MAOA: variants seen among roughly 807,000 people sequenced by gnomAD.
MAOA encodes the protein monoamine oxidase A, also known as amine oxidase [flavin-containing] A.
MAOA carries 6 observed loss-of-function variants against 42.0 expected under a neutral mutation model. That is an observed-to-expected ratio of 0.14 (90% CI 0.08 to 0.28). MAOA has a LOEUF of 0.28. Ranked by LOEUF, MAOA falls within the 10% of genes least tolerant of loss-of-function variation. The probability of loss-of-function intolerance (pLI) is 1.00; values close to 1 mark genes in which losing one functional copy is unlikely to be tolerated. For missense variants in MAOA, 262 were observed against 422.3 expected, an observed-to-expected ratio of 0.62 and a Z score of 3.33; for synonymous variants, 140 against 154.0, an observed-to-expected ratio of 0.91 and a Z score of 0.67.
chrX:43,712,817 A>T, intron 5 of MAOA, 21 bp downstream of exon 5: 1 of 1,096,777 alleles, frequency 9.1e-7, no homozygotes, highest in Non-Finnish European at 1.3e-6. Flanking sequence ...TTGACCATTC[A>T]AAATTTACTT....
At chrX:43,726,571 G>A (rs559626032) in intron 5 of MAOA, among the ~76,000 whole-genome samples, 7 of 111,769 alleles carry the variant, frequency 6.3e-5, no homozygotes, top group East Asian at 2.8e-4. Flanking sequence ...TTAGCAATTC[G>A]TCTAACCTTT....
rs111717084 is a variant in MAOA at position 43,691,101 on chromosome X, G to A, written c.169-2190G>A. On this transcript the variant is annotated intron_variant, in intron 2 of 14. Transcript: ENST00000338702. ...AACACCCCAAATAAATACGAGATCA[G>A]AGCCAGATGTGGGGCTCACGCCTGT... 9.9e-3 allele frequency among the ~76,000 whole-genome samples: 1,107 copies of A among 111,822 alleles called. 19 individuals carry two copies. Among genetic ancestry groups the A allele is most frequent in the African/African-American group, 0.035 (1,072 of 30,824 alleles).
intron 3 of MAOA, among the ~76,000 whole-genome samples, chrX:43,707,859 C>T (rs193169338): frequency 8.9e-6 from 1 of 111,858 alleles, no homozygotes; most frequent in East Asian, 2.8e-4. Flanking sequence ...ACTTATGATA[C>T]TCTAATAACA....
intron 1 of MAOA, among the ~76,000 whole-genome samples, chrX:43,661,337 A>T (rs772245011): frequency 3.3e-4 from 37 of 112,134 alleles, no homozygotes; most frequent in African/African-American, 1.2e-3. Context: ...ATACAGTGAG[A>T]TAATAATTGA....
chrX:43,731,595 T>C (rs2033881433), intron 7 of MAOA, 99 bp from the exon 8 acceptor site: 1 of 936,023 alleles, frequency 1.1e-6, no homozygotes, highest in Admixed American at 2.3e-5. Flanking sequence ...ATGTTTTTAC[T>C]GCTCAATGTT....
chrX:43,681,195 A>G (rs1006836531), intron 1 of MAOA, among the ~76,000 whole-genome samples: 23 of 111,526 alleles, frequency 2.1e-4, no homozygotes, highest in African/African-American at 7.2e-4. Flanking sequence ...GATTTTTTAG[A>G]AACAACACTG....
chrX:43,696,218 G>A (rs376172457), intron 3 of MAOA, among the ~76,000 whole-genome samples: 189 of 111,543 alleles, frequency 1.7e-3, no homozygotes, highest in Non-Finnish European at 2.8e-3. Context: ...CCGCTGTAAG[G>A]TTAGGTCCAC....
intron 10 of MAOA, among the ~76,000 whole-genome samples, chrX:43,738,883 A>G (rs2033940687): frequency 8.9e-6 from 1 of 111,851 alleles, no homozygotes; most frequent in East Asian, 2.8e-4. Context: ...ATCATTGCCG[A>G]TACTTTCATT....
chrX:43,736,081 A>C (rs2033918084), intron 9 of MAOA, 146 bp from the exon 10 acceptor site: 1 of 410,440 alleles, frequency 2.4e-6, no homozygotes, highest in South Asian at 3.0e-5. Flanking sequence ...CAAAGACAAT[A>C]TGGCATTTGC....
Position 43,740,678 on chromosome X carries a change from T to C in MAOA, c.1107-3T>C. 8.4e-7 allele frequency: 1 copy of C among 1,190,344 alleles called. No homozygotes were observed. The highest frequency in any genetic ancestry group is 1.1e-6 in the Non-Finnish European group (1 of 884,096). On this transcript the variant is annotated splice_polypyrimidine_tract_variant and splice_region_variant and intron_variant, in intron 10 of 14. Coordinates refer to ENST00000338702, the MANE Select transcript of MAOA (RefSeq NM_000240.4). ...TTTTTTTTTTTTTGGCTCTGTTTTATAGGAAGAAGAAAATCTGTGAGCTCT... is the reference window on the plus strand; with the variant it reads ...TTTTTTTTTTTTTGGCTCTGTTTTACAGGAAGAAGAAAATCTGTGAGCTCT...
Position 43,690,110 on chromosome X carries a change from G to A in MAOA, c.169-3181G>A, listed in dbSNP as rs755723893. The stretch of plus-strand genomic sequence containing the variant: ...TTTCTTTTTTATTTATCATTCTTTG[G>A]ACCTGTTGGGTTTCTTATCTTCCAA... On this transcript the variant is annotated intron_variant, in intron 2 of 14. Transcript: ENST00000338702. 3.7e-5 allele frequency among the ~76,000 whole-genome samples: 4 copies of A among 108,261 alleles called. No homozygotes were observed. In the East Asian group the frequency reaches 1.2e-3, roughly 31 times the overall value. The allele number at this position is 108,261 out of a possible 115,157, so 94.0% of individuals were successfully genotyped here. A position where few individuals can be genotyped will look rare whatever the true frequency, so the allele number is the denominator to read the frequency against.
intron 1 of MAOA, among the ~76,000 whole-genome samples, chrX:43,658,321 C>T (rs2033203633): frequency 9.0e-6 from 1 of 111,445 alleles, no homozygotes; most frequent in African/African-American, 3.3e-5. Flanking sequence ...TGCCTGATTA[C>T]CTGCTCTTCC....
At position 43,744,617 on chromosome X, in the gene MAOA, G is replaced by A; in HGVS notation, c.*104G>A. The A allele has an allele frequency of 3.4e-6, 3 of 893,101 alleles. No homozygotes were observed. The highest frequency in any genetic ancestry group is 3.1e-5 in the East Asian group (1 of 32,136). The allele number at this position is 893,101 out of a possible 1,213,427, so 73.6% of individuals were successfully genotyped here. A position where few individuals can be genotyped will look rare whatever the true frequency, so the allele number is the denominator to read the frequency against. ...CATTGGGCCATGTTTAAGTGTACTG[G>A]ATTTAACTACCTTTGGCTTAATTCC... On this transcript the variant is annotated 3_prime_UTR_variant, in exon 15 of 15. Transcript: ENST00000338702.
Position 43,656,373 on chromosome X carries a change from G to C in MAOA, c.32G>C (p.Gly11Ala). The C allele has an allele frequency of 8.3e-7, 1 of 1,211,938 alleles. No homozygotes were observed. The highest frequency in any genetic ancestry group is 1.7e-5 in the African/African-American group (1 of 57,923). MENQEKASIA[G>A]HMFDVVVIGG... ...AATCAAGAGAAGGCGAGTATCGCGG[G>C]CCACATGTTCGACGTAGTCGTGATC... The change falls in exon 1 of 15, where the codon GGC becomes GCC. Residue 11 changes from glycine (G) to alanine (A), a missense_variant. By Grantham distance (60) the Gly-to-Ala change is moderately conservative. This residue lies in a region of MAOA where 141 missense variants were observed against 195.6 expected (regional missense o/e 0.72). Coordinates refer to ENST00000338702, the MANE Select transcript of MAOA (RefSeq NM_000240.4).
At chrX:43,672,478 A>G (rs982590651) in intron 1 of MAOA, among the ~76,000 whole-genome samples, 5 of 111,235 alleles carry the variant, frequency 4.5e-5, no homozygotes, top group African/African-American at 3.3e-5. Context: ...TTCCAACACT[A>G]TGTTGAATAG....
intron 3 of MAOA, among the ~76,000 whole-genome samples, chrX:43,695,636 G>A (rs1305056972): frequency 1.8e-5 from 2 of 111,766 alleles, no homozygotes; most frequent in African/African-American, 3.3e-5. Context: ...GGAGGCTGAG[G>A]CAAGAGGATG....
Position 43,728,228 on chromosome X carries a change from C to T in MAOA, c.559C>T (p.His187Tyr). Residue 187 changes from histidine to tyrosine, a missense_variant, in exon 6 of 15, where the codon CAC becomes TAC. Physicochemically the swap from His to Tyr is moderately conservative, Grantham distance 83. Transcript: ENST00000338702. ...GAATATCAATGTGACCTCTGAGCCTCACGAAGTGTCTGCCCTGTGGTTCTT... is the reference window on the plus strand; with the variant it reads ...GAATATCAATGTGACCTCTGAGCCTTACGAAGTGTCTGCCCTGTGGTTCTT... ...FVNINVTSEPHEVSALWFLWY... is the reference protein window; with the variant it reads ...FVNINVTSEPYEVSALWFLWY... 3 of 1,209,856 alleles carry T rather than the reference C, an allele frequency of 2.5e-6. No individual in the cohort carries two copies. Among genetic ancestry groups the T allele is most frequent in the Non-Finnish European group, 1.1e-6 (1 of 893,823 alleles).
chrX:43,707,066 A>C (rs750802277), intron 3 of MAOA, among the ~76,000 whole-genome samples: 21 of 111,935 alleles, frequency 1.9e-4, no homozygotes, highest in African/African-American at 4.2e-4. Context: ...GAGCAGAGGC[A>C]TGAAAAATGT....
chrX:43,705,082 C>T (rs933316707), intron 3 of MAOA, among the ~76,000 whole-genome samples: 4 of 111,665 alleles, frequency 3.6e-5, no homozygotes, highest in Non-Finnish European at 7.5e-5. Flanking sequence ...ACAGTTTTTG[C>T]AGAAATTGGG....
Sources: allele counts gnomAD v4.1 joint callset (sites outside exome capture counted in the v4.1 genomes callset), GRCh38; gene constraint gnomAD v4.1.1; regional missense constraint gnomAD v4.1.1; transcripts MANE v1.5; gene names NCBI Gene and HGNC (gene_info 2026-07-23, HGNC 2026-07-21).